Variants in ZFP42 observed in about 807,000 individuals in gnomAD.
ZFP42 encodes the protein zinc finger protein 42 homolog.
For synonymous variants in ZFP42, 175 were observed against 144.6 expected (o/e 1.21, Z -1.51); for missense variants, 438 against 377.1 (o/e 1.16, Z -1.34).
At chr4:188,000,441 G>A (rs1000238244) in intron 3 of ZFP42, among the ~76,000 whole-genome samples, 20 of 151,560 alleles carry the variant, frequency 1.3e-4, no homozygotes, top group African/African-American at 4.8e-4. Context: ...CCAGGCTGGA[G>A]TGCAGTGGCA....
In ZFP42 at chr4:188,003,462, T is replaced by C. The variant is rs749934997; in HGVS notation, c.655T>C (p.Cys219Arg). Residue 219 changes from cysteine (C) to arginine (R), a missense_variant, in exon 4 of 4, where the codon TGT (cysteine) becomes CGT (arginine). Coordinates refer to ENST00000326866, the MANE Select transcript of ZFP42 (RefSeq NM_174900.5). ...CATTCATGGTCCCCGAGACCACGTC[T>C]GTGCGGAATGTGGGAAAGCGTTCGT... ...LLIHGPRDHV[C>R]AECGKAFVES... The C allele has an allele frequency of 1.2e-6, 2 of 1,614,076 alleles. No individual in the cohort carries two copies. The highest frequency in any genetic ancestry group is 3.3e-5 in the Admixed American group (2 of 60,022).
At chr4:187,997,648 C>T (rs1579115906) in intron 1 of ZFP42, among the ~76,000 whole-genome samples, 2 of 152,010 alleles carry the variant, frequency 1.3e-5, no homozygotes, top group South Asian at 4.2e-4. Flanking sequence ...GCATCTTTTT[C>T]CCTAAGTTCA....
Position 188,003,598 on chromosome 4 carries a change from C to T in ZFP42, c.791C>T (p.Thr264Met), listed in dbSNP as rs1052462774. ...KRFSLDFNLRTHVRIHTGEKR... is the reference protein window; with the variant it reads ...KRFSLDFNLRMHVRIHTGEKR... ...TTCTCTCTGGACTTTAATTTGCGTA[C>T]GCACGTGCGCATCCACACGGGGGAG... Residue 264 changes from threonine (T) to methionine (M), a missense_variant, in exon 4 of 4, where the codon ACG becomes ATG. Physicochemically the swap from Thr to Met is moderately conservative, Grantham distance 81 (BLOSUM62 -1). Transcript: ENST00000326866. 1.7e-5 allele frequency: 27 copies of T among 1,613,298 alleles called. No individual in the cohort carries two copies. The highest frequency in any genetic ancestry group is 2.2e-5 in the Non-Finnish European group (26 of 1,180,044).
rs1178775804 is a variant in ZFP42 at position 188,003,616 on chromosome 4, CGG to C, written c.813_814del (p.Lys273ThrfsTer18). 3 of 1,613,298 alleles carry C rather than the reference CGG, an allele frequency of 1.9e-6. No individual in the cohort carries two copies. The highest frequency in any genetic ancestry group is 1.7e-5 in the Admixed American group (1 of 60,000). On this transcript the variant is annotated frameshift_variant, in exon 4 of 4. Transcript: ENST00000326866. LOFTEE classifies it low-confidence loss of function (END_TRUNC). ...TTGCGTACGCACGTGCGCATCCACA[CGG>C]GGGAGAAACGTTTCGTGTGTCCCTT...
intron 3 of ZFP42, among the ~76,000 whole-genome samples, chr4:188,002,156 G>T (rs1333404471): frequency 6.6e-6 from 1 of 152,130 alleles, no homozygotes; most frequent in South Asian, 2.1e-4. Flanking sequence ...CAGCCTGGGC[G>T]ACAGAGTGAG....
At chr4:187,996,727 T>TGCC (rs1192420217) in intron 1 of ZFP42, among the ~76,000 whole-genome samples, 1 of 152,188 alleles carries the variant, frequency 6.6e-6, no homozygotes, top group African/African-American at 2.4e-5. Context: ...TCATCTCCTC[T>TGCC]GCCGCCATCT....
chr4:187,998,241 C>T (rs920822391), intron 1 of ZFP42, among the ~76,000 whole-genome samples: 8 of 151,850 alleles, frequency 5.3e-5, no homozygotes, highest in Non-Finnish European at 1.0e-4. Flanking sequence ...GAGGCTGACG[C>T]GGGAGAATCG....
In ZFP42 at chr4:188,001,664, G is replaced by T. The variant is rs1167225331; in HGVS notation, c.-95-1049G>T. Among the ~76,000 whole-genome samples, 3 of 152,152 alleles carry T rather than the reference G, an allele frequency of 2.0e-5. No individual in the cohort carries two copies. The East Asian group carries it at 5.8e-4, about 29-fold the overall frequency. On this transcript the variant is annotated intron_variant, in intron 3 of 3. Transcript: ENST00000326866. The stretch of plus-strand genomic sequence containing the variant: ...TGAATAGTTTCAACAGACACCACAG[G>T]ACCCACAAAGCTAAAATCTGGCCCT...
rs1312126745 is a variant in ZFP42 at position 187,997,278 on chromosome 4, G to T, written c.-339+1438G>T. ...GACAGAGTTTTGCTCTTGTCGCTTG[G>T]GCTGGAGTGCAGTGGCACGATCTCG... On this transcript the variant is annotated intron_variant, in intron 1 of 3. Coordinates refer to ENST00000326866, the MANE Select transcript of ZFP42 (RefSeq NM_174900.5). 2.6e-5 allele frequency among the ~76,000 whole-genome samples: 3 copies of T among 114,834 alleles called. No individual in the cohort carries two copies. The Admixed American group carries it at 3.2e-4, about 12-fold the overall frequency. The allele number at this position is 114,834 out of a possible 152,430, so 75.3% of individuals were successfully genotyped here.
chr4:188,000,027 G>A (rs1436752988), intron 3 of ZFP42, among the ~76,000 whole-genome samples: 2 of 152,200 alleles, frequency 1.3e-5, no homozygotes, highest in Non-Finnish European at 2.9e-5. Context: ...GCAGTTACAG[G>A]TTGAGTATTT....
intron 3 of ZFP42, among the ~76,000 whole-genome samples, chr4:188,001,280 T>TA (rs1012228745): frequency 2.0e-5 from 3 of 152,044 alleles, no homozygotes; most frequent in Admixed American, 6.6e-5. Flanking sequence ...ATCAGGACAA[T>TA]AAATAGGGAG....
intron 3 of ZFP42, among the ~76,000 whole-genome samples, chr4:188,001,464 A>C (rs1053634356): frequency 2.0e-5 from 3 of 152,214 alleles, no homozygotes; most frequent in African/African-American, 7.2e-5. Flanking sequence ...TGGATTCCTA[A>C]AAGTGGGAGC....
intron 3 of ZFP42, among the ~76,000 whole-genome samples, chr4:188,001,620 C>T (rs77258794): frequency 2.6e-5 from 4 of 152,156 alleles, no homozygotes; most frequent in African/African-American, 7.2e-5. Context: ...GCTTCTGTGC[C>T]GTGCTACAAC....
At position 188,003,560 on chromosome 4, in the gene ZFP42, G is replaced by T. The variant is rs767291029; in HGVS notation, c.753G>T (p.Gly251=). 1.9e-6 allele frequency: 3 copies of T among 1,613,588 alleles called. No individual in the cohort carries two copies. Among genetic ancestry groups the T allele is most frequent in the Non-Finnish European group, 2.5e-6 (3 of 1,180,050 alleles). Residue 251 remains glycine, a synonymous_variant, in exon 4 of 4, where the codon GGG becomes GGT. Transcript: ENST00000326866. ...AGCCGTTTCGGTGCACTTTTGAAGGGTGCGGAAAGCGCTTCTCTCTGGACT... is the reference window on the plus strand; with the variant it reads ...AGCCGTTTCGGTGCACTTTTGAAGGTTGCGGAAAGCGCTTCTCTCTGGACT... ...GEKPFRCTFE[G]CGKRFSLDFN... is the part of the protein sequence containing the mutation.
Position 188,003,498 on chromosome 4 carries a change from A to G in ZFP42, c.691A>G (p.Lys231Glu). The change falls in exon 4 of 4, where the codon AAA (lysine) becomes GAA (glutamate). Residue 231 changes from lysine to glutamate, a missense_variant. Lys to Glu is a moderately conservative substitution (Grantham distance 56). Coordinates refer to ENST00000326866, the MANE Select transcript of ZFP42 (RefSeq NM_174900.5). ...TGGGAAAGCGTTCGTTGAGAGCTCAAAACTAAAGAGACATTTCCTGGTTCA... is the reference window on the plus strand; with the variant it reads ...TGGGAAAGCGTTCGTTGAGAGCTCAGAACTAAAGAGACATTTCCTGGTTCA... ...ECGKAFVESSKLKRHFLVHTG... is the reference protein window; with the variant it reads ...ECGKAFVESSELKRHFLVHTG... The G allele has an allele frequency of 6.2e-7, 1 of 1,613,828 alleles. No individual in the cohort carries two copies. Among genetic ancestry groups the G allele is most frequent in the Non-Finnish European group, 8.5e-7 (1 of 1,180,024 alleles).
intron 3 of ZFP42, among the ~76,000 whole-genome samples, chr4:188,002,130 T>C (rs1733848222): frequency 6.6e-6 from 1 of 152,052 alleles, no homozygotes; most frequent in Non-Finnish European, 1.5e-5. Context: ...TGAGCTAAGA[T>C]TGCACCACTG....
chr4:187,997,225 A>ATTCTTT (rs1733629166), intron 1 of ZFP42, among the ~76,000 whole-genome samples: 1 of 36,498 alleles, frequency 2.7e-5, no homozygotes, highest in African/African-American at 1.7e-4. Context: ...CCCCTCTCAT[A>ATTCTTT]TTCTTTTTTT....
intron 1 of ZFP42, among the ~76,000 whole-genome samples, chr4:187,996,248 C>A (rs1046251635): frequency 1.3e-5 from 2 of 152,182 alleles, no homozygotes; most frequent in African/African-American, 4.8e-5. Context: ...CTCCTCTTAT[C>A]TCTGGAGATG....
At chr4:187,998,517 C>T (rs1371363372) in intron 1 of ZFP42, among the ~76,000 whole-genome samples, 3 of 152,210 alleles carry the variant, frequency 2.0e-5, no homozygotes, top group Non-Finnish European at 4.4e-5. Context: ...CACTCACTCA[C>T]TCACTCATCC....
Sources: allele counts gnomAD v4.1 joint callset (sites outside exome capture counted in the v4.1 genomes callset), GRCh38; gene constraint gnomAD v4.1.1; transcripts MANE v1.5; gene names NCBI Gene and HGNC (gene_info 2026-07-23, HGNC 2026-07-21).